The following OSBPL1A variants were observed in gnomAD, a reference collection of about 807,000 sequenced individuals.
OSBPL1A encodes oxysterol-binding protein-related protein 1.
A neutral mutation model predicts 137.1 loss-of-function variants in OSBPL1A; 80 were observed. The ratio of observed to expected loss-of-function variants is 0.58; its 90% confidence interval spans 0.49 to 0.70. The LOEUF (loss-of-function observed/expected upper bound fraction) is 0.70, where lower values mean the gene tolerates loss of function less well. Among genes scored for constraint, OSBPL1A ranks in the 30% least tolerant of loss-of-function variants. OSBPL1A has a pLI of 0.00. For missense variants in OSBPL1A, 970 were observed against 1,129.4 expected (o/e 0.86, Z 2.02); for synonymous variants, 365 against 389.7 (o/e 0.94, Z 0.75).
chr18:24,327,037 G>A (rs926244786), intron 7 of OSBPL1A, among the ~76,000 whole-genome samples: 2 of 151,794 alleles, frequency 1.3e-5, no homozygotes, highest in African/African-American at 2.4e-5. Context: ...GGTAATTTGC[G>A]GGTTTTTTCT....
chr18:24,179,960 G>A (rs986206537), intron 19 of OSBPL1A, 125 bp from the exon 20 acceptor site: 6 of 716,228 alleles, frequency 8.4e-6, no homozygotes, highest in Middle Eastern at 2.6e-4. Flanking sequence ...TTACTTTGGA[G>A]TTTTAATATG....
intron 6 of OSBPL1A, among the ~76,000 whole-genome samples, chr18:24,333,495 G>A (rs1423867015): frequency 6.6e-6 from 1 of 152,184 alleles, no homozygotes; most frequent in Non-Finnish European, 1.5e-5. Context: ...AAATGTCAAG[G>A]TTCTACTGAA....
At chr18:24,390,493 A>G (rs1599743573) in intron 1 of OSBPL1A, among the ~76,000 whole-genome samples, 1 of 152,036 alleles carries the variant, frequency 6.6e-6, no homozygotes, top group Admixed American at 6.6e-5. Context: ...GGAATTCGAG[A>G]CCAGCCTGGC....
At chr18:24,269,851 A>AACACACACACACAT (rs2089672797) in intron 15 of OSBPL1A, among the ~76,000 whole-genome samples, 2 of 139,988 alleles carry the variant, frequency 1.4e-5, no homozygotes, top group African/African-American at 5.4e-5. Flanking sequence ...TGACAAGCCT[A>AACACACACACACAT]ACACACACAC....
At chr18:24,349,144 G>A (rs2091396913) in intron 4 of OSBPL1A, among the ~76,000 whole-genome samples, 1 of 152,008 alleles carries the variant, frequency 6.6e-6, no homozygotes, top group African/African-American at 2.4e-5. Flanking sequence ...TCCAGCCTGG[G>A]AGACAGAGTA....
At chr18:24,245,350 C>T (rs1005476261) in intron 15 of OSBPL1A, among the ~76,000 whole-genome samples, 2 of 152,122 alleles carry the variant, frequency 1.3e-5, no homozygotes, top group Non-Finnish European at 2.9e-5. Context: ...CCTCTGCCTC[C>T]CAAAGTGCTG....
At position 24,366,763 on chromosome 18, in the gene OSBPL1A, G is replaced by A. The variant is rs138512250; in HGVS notation, c.282+129C>T. 152 of 810,704 alleles carry A rather than the reference G, an allele frequency of 1.9e-4. No homozygotes were observed. In the East Asian group the frequency reaches 2.0e-3, roughly 11 times the overall value. 50.2% of individuals were successfully genotyped at this position (810,704 alleles called of 1,614,324 possible). ...AGATCCTGTGGCCTTTTGACCCAAA[G>A]TGCTGGTGTATACATTTTTTTGTGT... On this transcript the variant is annotated intron_variant, in intron 4 of 27. Coordinates refer to ENST00000319481, the MANE Select transcript of OSBPL1A (RefSeq NM_080597.4).
chr18:24,313,124 T>A (rs1464169179), intron 12 of OSBPL1A, among the ~76,000 whole-genome samples: 1 of 147,180 alleles, frequency 6.8e-6, no homozygotes, highest in African/African-American at 2.5e-5. Flanking sequence ...GGAGGCTCTA[T>A]CTCTAAATAA....
At chr18:24,186,083 A>G (rs1007705520) in intron 18 of OSBPL1A, among the ~76,000 whole-genome samples, 32 of 152,148 alleles carry the variant, frequency 2.1e-4, no homozygotes, top group African/African-American at 7.7e-4. Context: ...ATAAAATAAA[A>G]TTTTAAGAAA....
intron 13 of OSBPL1A, chr18:24,311,677 C>T (rs1599649952): frequency 3.2e-6 from 1 of 315,436 alleles, no homozygotes; most frequent in East Asian, 9.0e-5. Flanking sequence ...TGCATGCTCC[C>T]CATCCTCGCA....
At chr18:24,206,140 C>A (rs866611546) in intron 17 of OSBPL1A, among the ~76,000 whole-genome samples, 10 of 152,222 alleles carry the variant, frequency 6.6e-5, no homozygotes, top group South Asian at 4.1e-4. Flanking sequence ...GTCCTCGCAC[C>A]TTGGCCTCCC....
At chr18:24,272,334 A>G (rs974407390) in intron 15 of OSBPL1A, 3 of 957,152 alleles carry the variant, frequency 3.1e-6, no homozygotes, top group African/African-American at 3.6e-5. Flanking sequence ...CCTGCCTGTC[A>G]CTTACTCCGG....
intron 4 of OSBPL1A, among the ~76,000 whole-genome samples, chr18:24,362,294 C>A (rs140333009): frequency 3.3e-5 from 5 of 152,166 alleles, no homozygotes; most frequent in African/African-American, 1.2e-4. Flanking sequence ...GAGCCATCTG[C>A]AGCTCATATT....
At position 24,303,692 on chromosome 18, in the gene OSBPL1A, T is replaced by C. The variant is rs2090446053; in HGVS notation, c.1119A>G (p.Leu373=). ...LEKAQSCQQR[L]DREISNFLKM... ...TGAGAAAGTTGGAAATTTCCCTATC[T>C]AGTCGCTGTTGGCATGACTGTGCTT... The change falls in exon 14 of 28, where the codon CTA becomes CTG. Residue 373 remains leucine, a synonymous_variant. Coordinates refer to ENST00000319481, the MANE Select transcript of OSBPL1A (RefSeq NM_080597.4). 1 of 1,613,434 alleles carries C rather than the reference T, an allele frequency of 6.2e-7. No individual in the cohort carries two copies. Among genetic ancestry groups the C allele is most frequent in the Non-Finnish European group, 8.5e-7 (1 of 1,179,728 alleles).
At chr18:24,175,097 G>T (rs2086389509) in intron 21 of OSBPL1A, among the ~76,000 whole-genome samples, 1 of 85,856 alleles carries the variant, frequency 1.2e-5, no homozygotes, top group South Asian at 3.9e-4. Flanking sequence ...GTGCTTATTT[G>T]CCATGTGTAT....
chr18:24,291,896 AT>A (rs1393110972), intron 14 of OSBPL1A, among the ~76,000 whole-genome samples: 2 of 151,914 alleles, frequency 1.3e-5, no homozygotes, highest in African/African-American at 4.8e-5. Flanking sequence ...CTACTAAAAA[AT>A]AAAAAATTAA....
chr18:24,195,440 T>C (rs950122791), intron 18 of OSBPL1A, among the ~76,000 whole-genome samples: 2 of 152,242 alleles, frequency 1.3e-5, no homozygotes, highest in African/African-American at 4.8e-5. Context: ...GGGAAAGTTC[T>C]GGAGTGCTCC....
chr18:24,275,311 A>C (rs2089819896), intron 15 of OSBPL1A, among the ~76,000 whole-genome samples: 1 of 152,306 alleles, frequency 6.6e-6, no homozygotes, highest in South Asian at 2.1e-4. Context: ...AGGCTAGAGG[A>C]AAGTATAAGA....
intron 3 of OSBPL1A, chr18:24,367,536 G>A (rs2091720567): frequency 6.6e-6 from 1 of 151,578 alleles, no homozygotes; most frequent in South Asian, 2.1e-4. Context: ...TCCAGTATTT[G>A]GGGGACTGAG....
Sources: gnomAD v4.1 joint callset for allele counts (sites outside exome capture counted in the v4.1 genomes callset) on GRCh38, gnomAD v4.1.1 for gene constraint, MANE v1.5 for transcripts, NCBI Gene and HGNC (gene_info 2026-07-23, HGNC 2026-07-21) for gene names.